IQGAP2: variants seen among roughly 807,000 people sequenced by gnomAD.
IQGAP2 encodes the protein ras GTPase-activating-like protein IQGAP2.
A neutral mutation model predicts 201.3 loss-of-function variants in IQGAP2; 173 were observed. The ratio of observed to expected loss-of-function variants is 0.86; its 90% CI spans 0.76 to 0.98. The LOEUF (loss-of-function observed/expected upper bound fraction) is 0.98, where lower values mean the gene tolerates loss of function less well. Among genes scored for constraint, IQGAP2 ranks in the 50% least tolerant of loss-of-function variants. The probability of loss-of-function intolerance (pLI) is 0.00; values close to 1 mark genes in which losing one functional copy is unlikely to be tolerated. For synonymous variants in IQGAP2, 675 were observed against 673.9 expected (o/e 1.00, Z -0.03); for missense variants, 1,687 against 1,864.8 (o/e 0.90, Z 1.76).
chr5:76,671,230 C>G (rs1472972812), intron 23 of IQGAP2, among the ~76,000 whole-genome samples: 3 of 152,064 alleles, frequency 2.0e-5, no homozygotes, highest in Middle Eastern at 3.2e-3. Flanking sequence ...TACTACTCTC[C>G]AACCTGGGCA....
intron 17 of IQGAP2, among the ~76,000 whole-genome samples, chr5:76,651,024 T>G (rs1752477710): frequency 6.6e-6 from 1 of 152,184 alleles, no homozygotes; most frequent in South Asian, 2.1e-4. Flanking sequence ...TACTGCTAAA[T>G]TCCCTCCCCA....
chr5:76,689,263 C>T (rs1392515203), intron 30 of IQGAP2, among the ~76,000 whole-genome samples: 2 of 96,118 alleles, frequency 2.1e-5, no homozygotes, highest in African/African-American at 3.9e-5. Context: ...AAAACCTGGT[C>T]GAGGAATCCT....
chr5:76,680,895 A>T (rs1239718247), intron 28 of IQGAP2, among the ~76,000 whole-genome samples: 1 of 151,512 alleles, frequency 6.6e-6, no homozygotes, highest in Middle Eastern at 3.2e-3. Context: ...ACTTGAGGCC[A>T]GGAGTTCAAG....
At chr5:76,589,514 C>G (rs1335517699) in intron 6 of IQGAP2, 101 bp from the exon 7 acceptor site, 6 of 618,850 alleles carry the variant, frequency 9.7e-6, no homozygotes, top group Non-Finnish European at 8.1e-6. Flanking sequence ...AACCCCACTT[C>G]CTGATGAAGA....
At chr5:76,436,103 T>C (rs1475372643) in intron 1 of IQGAP2, among the ~76,000 whole-genome samples, 4 of 152,172 alleles carry the variant, frequency 2.6e-5, no homozygotes, top group Non-Finnish European at 2.9e-5. Flanking sequence ...ATTTTTCAAA[T>C]CTAGAAGTCT....
At chr5:76,446,838 C>T (rs1367628723) in intron 1 of IQGAP2, among the ~76,000 whole-genome samples, 1 of 152,112 alleles carries the variant, frequency 6.6e-6, no homozygotes, top group African/African-American at 2.4e-5. Context: ...GTAGCCCATC[C>T]GTGAAAAAAG....
chr5:76,522,447 T>A (rs911441949), intron 2 of IQGAP2, among the ~76,000 whole-genome samples: 1 of 152,160 alleles, frequency 6.6e-6, no homozygotes, highest in African/African-American at 2.4e-5. Context: ...CCTCCCAAAG[T>A]GCTGGGATTA....
At chr5:76,490,405 C>A (rs1004913647) in intron 2 of IQGAP2, among the ~76,000 whole-genome samples, 2 of 152,154 alleles carry the variant, frequency 1.3e-5, no homozygotes, top group Non-Finnish European at 2.9e-5. Flanking sequence ...CCCTGGAATG[C>A]CCATTTTTAT....
At chr5:76,570,451 G>T in intron 3 of IQGAP2, 129 bp from the exon 4 acceptor site, 1 of 681,916 alleles carries the variant, frequency 1.5e-6, no homozygotes, top group Non-Finnish European at 2.6e-6. Context: ...TGCTTTATGT[G>T]AACATTAATA....
intron 1 of IQGAP2, among the ~76,000 whole-genome samples, chr5:76,410,437 A>G (rs1253830530): frequency 6.6e-6 from 1 of 152,158 alleles, no homozygotes. Flanking sequence ...TTTTCATTAG[A>G]GACATGGGTG....
At chr5:76,546,251 C>T (rs552516780) in intron 2 of IQGAP2, among the ~76,000 whole-genome samples, 1 of 152,134 alleles carries the variant, frequency 6.6e-6, no homozygotes, top group African/African-American at 2.4e-5. Context: ...GCCTAGCCAA[C>T]GTGGTGAAAC....
At chr5:76,594,839 A>G (rs150704300) in intron 9 of IQGAP2, among the ~76,000 whole-genome samples, 2,146 of 152,136 alleles carry the variant, frequency 0.014, 20 homozygotes, top group Non-Finnish European at 0.022. Flanking sequence ...GGTGGCGGGC[A>G]TCTGTAATCC....
intron 30 of IQGAP2, among the ~76,000 whole-genome samples, chr5:76,692,970 G>T (rs1271040179): frequency 1.3e-5 from 2 of 152,162 alleles, no homozygotes; most frequent in African/African-American, 4.8e-5. Context: ...CAGGAAAGGA[G>T]AATATTAGAT....
intron 2 of IQGAP2, among the ~76,000 whole-genome samples, chr5:76,526,857 C>T (rs1407273986): frequency 6.6e-6 from 1 of 152,144 alleles, no homozygotes; most frequent in Admixed American, 6.5e-5. Context: ...AGTGTGGATA[C>T]CTTGATTTTG....
chr5:76,659,998 TC>T (rs1743113428), intron 21 of IQGAP2: 2 of 152,174 alleles, frequency 1.3e-5, no homozygotes, highest in South Asian at 4.1e-4. Flanking sequence ...ACTCTCCCTG[TC>T]CCTGTTCCCT....
chr5:76,556,169 G>A (rs1743931178), intron 2 of IQGAP2, among the ~76,000 whole-genome samples: 1 of 152,158 alleles, frequency 6.6e-6, no homozygotes, highest in Non-Finnish European at 1.5e-5. Context: ...TTATAGTAGG[G>A]TTTCAAGAGG....
At chr5:76,507,988 G>GCCAGACTC (rs1269747797) in intron 2 of IQGAP2, among the ~76,000 whole-genome samples, 1 of 137,034 alleles carries the variant, frequency 7.3e-6, no homozygotes. Context: ...GGGTGATAGA[G>GCCAGACTC]CGTGAGACTC....
chr5:76,510,707 G>T, intron 2 of IQGAP2: 1 of 532,956 alleles, frequency 1.9e-6, no homozygotes, highest in Non-Finnish European at 3.8e-6. Flanking sequence ...TGCCAAGCTT[G>T]TCCATTTCAC....
At chr5:76,497,497 G>A (rs1757055753) in intron 2 of IQGAP2, among the ~76,000 whole-genome samples, 1 of 152,166 alleles carries the variant, frequency 6.6e-6, no homozygotes, top group Non-Finnish European at 1.5e-5. Context: ...CCATTGCTTT[G>A]TTTCACTCAG....
Sources: gnomAD v4.1 joint callset for allele counts (sites outside exome capture counted in the v4.1 genomes callset) on GRCh38, gnomAD v4.1.1 for gene constraint, MANE v1.5 for transcripts, NCBI Gene and HGNC (gene_info 2026-07-23, HGNC 2026-07-21) for gene names.